The following USP4 variants were observed in gnomAD, a reference collection of about 807,000 sequenced individuals.
USP4 encodes the protein ubiquitin specific peptidase 4.
USP4 carries 72 observed loss-of-function variants against 118.2 expected under a neutral mutation model. The observed-to-expected ratio is 0.61, with a 90% CI of 0.50 to 0.74. USP4 has a LOEUF of 0.74. USP4 is among the 30% of genes least tolerant of loss of function. The pLI, the probability that USP4 is intolerant of heterozygous loss-of-function variation, is 0.00. For missense variants in USP4, 1,037 were observed against 1,185.7 expected (o/e 0.87, Z 1.84); for synonymous variants, 415 against 440.4 (o/e 0.94, Z 0.72).
intron 11 of USP4, among the ~76,000 whole-genome samples, chr3:49,300,016 T>A (rs1198302890): frequency 6.6e-6 from 1 of 151,980 alleles, no homozygotes; most frequent in Non-Finnish European, 1.5e-5. Flanking sequence ...GAGGCCAAGA[T>A]GGGCAGATTA....
intron 9 of USP4, among the ~76,000 whole-genome samples, chr3:49,303,467 A>G (rs2047281044): frequency 6.8e-6 from 1 of 146,798 alleles, no homozygotes; most frequent in Non-Finnish European, 1.5e-5. Context: ...AAAAAAAAGG[A>G]GAACCACTGT....
intron 19 of USP4, among the ~76,000 whole-genome samples, chr3:49,282,233 C>G (rs2107764098): frequency 6.6e-6 from 1 of 152,054 alleles, no homozygotes; most frequent in South Asian, 2.1e-4. Flanking sequence ...CTTTCTTCCT[C>G]CAATATTTTA....
chr3:49,286,257 C>T lies in USP4; in HGVS notation c.2041G>A (p.Gly681Arg). ...GGGTCATTTCCTGGCTCATCTTCCC[C>T]ACTGCCTTCTGTTTCTGAAAGCTGC... ...KEQLSETEGS[G>R]EDEPGNDPSE... is the part of the protein sequence containing the mutation. Residue 681 changes from glycine (G) to arginine (R), a missense_variant, in exon 16 of 22, where the codon GGG becomes AGG. By Grantham distance (125) the Gly-to-Arg change is moderately radical (BLOSUM62 -2). Transcript: ENST00000265560. The T allele has an allele frequency of 6.2e-7, 1 of 1,614,148 alleles. No homozygotes were observed. Among genetic ancestry groups the T allele is most frequent in the Non-Finnish European group, 8.5e-7 (1 of 1,180,030 alleles).
At chr3:49,284,245 T>C in intron 18 of USP4, 109 bp from the exon 19 acceptor site, 1 of 1,450,982 alleles carries the variant, frequency 6.9e-7, no homozygotes, top group Non-Finnish European at 9.5e-7. Flanking sequence ...ATCCTCTCGG[T>C]CAGCACTCAA....
At chr3:49,282,919 G>GATGGT in intron 19 of USP4, among the ~76,000 whole-genome samples, 2 of 150,286 alleles carry the variant, frequency 1.3e-5, no homozygotes, top group African/African-American at 4.9e-5. Context: ...TGTTGGCCAG[G>GATGGT]CTACTCTCCG....
At chr3:49,301,305 T>C (rs1435674781) in intron 10 of USP4, among the ~76,000 whole-genome samples, 1 of 152,096 alleles carries the variant, frequency 6.6e-6, no homozygotes, top group Non-Finnish European at 1.5e-5. Context: ...CTGTGTGTCC[T>C]GATAAGAAAC....
At chr3:49,311,894 A>G (rs2047386302) in intron 6 of USP4, 1 of 1,180,636 alleles carries the variant, frequency 8.5e-7, no homozygotes, top group Non-Finnish European at 1.1e-6. Context: ...GAAAAACCAC[A>G]AGGCTGACCA....
In USP4 at chr3:49,284,619, A is replaced by G. The variant is rs1434377828; in HGVS notation, c.2272-35T>C. The G allele has an allele frequency of 1.9e-6, 3 of 1,587,376 alleles. No individual in the cohort carries two copies. In the African/African-American group the frequency reaches 4.0e-5, roughly 21 times the overall value. On this transcript the variant is annotated intron_variant, in intron 17 of 21. Coordinates refer to ENST00000265560, the MANE Select transcript of USP4 (RefSeq NM_003363.4). ...TCAAAGCACTCAGTTCTGCTGGAGA[A>G]AGAGATCTTACTGCATTAAGACATG...
At position 49,280,825 on chromosome 3, in the gene USP4, C is replaced by T. The variant is rs749632873; in HGVS notation, c.2563G>A (p.Val855Ile). Residue 855 changes from valine (V) to isoleucine (I), a missense_variant, in exon 20 of 22, where the codon GTC becomes ATC. Transcript: ENST00000265560. ...TAAGGCCTTGCTGACAGGTTACAGA[C>T]AAACTCGGACATGTTCAGCCCTCTG... ...PIRGLNMSEF[V>I]CNLSARPYVY... 1 of 1,614,028 alleles carries T rather than the reference C, an allele frequency of 6.2e-7. No homozygotes were observed. The highest frequency in any genetic ancestry group is 1.3e-5 in the African/African-American group (1 of 74,924).
chr3:49,331,841 C>G (rs1470374274), intron 2 of USP4, among the ~76,000 whole-genome samples: 1 of 151,592 alleles, frequency 6.6e-6, no homozygotes, highest in Non-Finnish European at 1.5e-5. Flanking sequence ...TCCTTCAAGG[C>G]TCTGAATCTG....
chr3:49,333,820 G>A (rs2047643396), intron 2 of USP4, among the ~76,000 whole-genome samples: 1 of 152,118 alleles, frequency 6.6e-6, no homozygotes, highest in South Asian at 2.1e-4. Flanking sequence ...GGGAGTTCAA[G>A]ACCAGCCTGA....
At chr3:49,283,248 TTGTGA>T (rs1289843164) in intron 19 of USP4, among the ~76,000 whole-genome samples, 1 of 147,344 alleles carries the variant, frequency 6.8e-6, no homozygotes, top group East Asian at 2.0e-4. Context: ...TCTCCAGACC[TTGTGA>T]TCTGCCCACC....
intron 16 of USP4, among the ~76,000 whole-genome samples, chr3:49,285,794 T>C (rs994639414): frequency 3.9e-5 from 6 of 152,204 alleles, no homozygotes; most frequent in African/African-American, 1.4e-4. Flanking sequence ...TGAGCAAGTA[T>C]GGGGAAATGT....
intron 6 of USP4, chr3:49,317,512 T>TTTTTG (rs1024658770): frequency 3.1e-6 from 2 of 639,430 alleles, no homozygotes; most frequent in Non-Finnish European, 5.5e-6. Context: ...TTTCACTCTT[T>TTTTTG]TTTTGTTTTG....
rs190461767 is a variant in USP4 at position 49,296,606 on chromosome 3, G to A, written c.1691+1264C>T. On this transcript the variant is annotated intron_variant, in intron 13 of 21. Coordinates refer to ENST00000265560, the MANE Select transcript of USP4 (RefSeq NM_003363.4). ...AGAGCTTGCAGTGAGCCGAGATTGC[G>A]CCACTGCACTCCTGCCTGGGAGACA... Among the ~76,000 whole-genome samples the A allele has an allele frequency of 1.1e-4, 17 of 152,244 alleles. No homozygotes were observed. The East Asian group carries it at 1.2e-3, about 10-fold the overall frequency.
At chr3:49,280,294 C>G (rs4955414) in intron 20 of USP4, among the ~76,000 whole-genome samples, 113,734 of 151,658 alleles carry the variant, frequency 0.75, 42,978 homozygotes, top group East Asian at 0.99. Flanking sequence ...AGGCACAGTG[C>G]CTCACACCTG....
At chr3:49,303,644 T>C (rs1431049324) in intron 9 of USP4, among the ~76,000 whole-genome samples, 4 of 152,098 alleles carry the variant, frequency 2.6e-5, no homozygotes, top group South Asian at 4.1e-4. Flanking sequence ...AGTGCAGATA[T>C]ATAACACATC....
chr3:49,338,669 AAAAAAAAAAAG>A (rs2047698394), intron 1 of USP4, among the ~76,000 whole-genome samples: 1 of 151,252 alleles, frequency 6.6e-6, no homozygotes, highest in Admixed American at 6.6e-5. Flanking sequence ...TCTCAAAAAA[AAAAAAAAAAAG>A]AAAAGAAAAG....
At chr3:49,294,355 C>T in intron 14 of USP4, 52 bp downstream of exon 14, 9 of 1,558,576 alleles carry the variant, frequency 5.8e-6, no homozygotes, top group South Asian at 1.2e-5. Flanking sequence ...ACTACTATTA[C>T]TGGGTATATC....
Sources: allele counts gnomAD v4.1 joint callset (sites outside exome capture counted in the v4.1 genomes callset), GRCh38; gene constraint gnomAD v4.1.1; transcripts MANE v1.5; gene names NCBI Gene and HGNC (gene_info 2026-07-23, HGNC 2026-07-21).